The following PFDN1 variants were observed in gnomAD, a reference collection of about 807,000 sequenced individuals.
PFDN1 encodes the protein prefoldin subunit 1.
A neutral mutation model predicts 17.3 loss-of-function variants in PFDN1; 6 were observed. The ratio of observed to expected loss-of-function variants is 0.35; its 90% CI spans 0.19 to 0.69. The LOEUF (loss-of-function observed/expected upper bound fraction) is 0.69. Among genes scored for constraint, PFDN1 ranks in the 30% least tolerant of loss-of-function variants. The pLI, the probability that PFDN1 is intolerant of heterozygous loss-of-function variation, is 0.65. For synonymous variants in PFDN1, 58 were observed against 50.1 expected (o/e 1.16, Z -0.67); for missense variants, 113 against 146.2 (o/e 0.77, Z 1.17).
At chr5:140,246,424 A>G (rs1442436022) in intron 3 of PFDN1, among the ~76,000 whole-genome samples, 5 of 152,256 alleles carry the variant, frequency 3.3e-5, no homozygotes, top group African/African-American at 1.2e-4. Context: ...GTAACAGACT[A>G]TCTCCTCTCA....
chr5:140,256,037 T>C (rs1288140879), intron 3 of PFDN1, among the ~76,000 whole-genome samples: 1 of 152,190 alleles, frequency 6.6e-6, no homozygotes, highest in East Asian at 1.9e-4. Context: ...ACACAGTTCT[T>C]GGAACACTTT....
At chr5:140,284,492 T>C (rs571824925) in intron 2 of PFDN1, among the ~76,000 whole-genome samples, 6 of 152,370 alleles carry the variant, frequency 3.9e-5, no homozygotes, top group African/African-American at 1.2e-4. Context: ...TAAAAGGGCA[T>C]TGGATTATCA....
intron 3 of PFDN1, among the ~76,000 whole-genome samples, chr5:140,279,502 G>GT (rs1479345193): frequency 1.3e-5 from 2 of 151,066 alleles, no homozygotes; most frequent in Non-Finnish European, 3.0e-5. Flanking sequence ...TGGGGTTTTT[G>GT]TGTTTTTTTT....
intron 3 of PFDN1, among the ~76,000 whole-genome samples, chr5:140,256,986 G>A (rs968837654): frequency 7.2e-5 from 11 of 152,008 alleles, no homozygotes; most frequent in African/African-American, 1.5e-4. Context: ...TCGGGAGGTT[G>A]AGGCAGGTGG....
chr5:140,298,059 T>A (rs1301201953), intron 2 of PFDN1, among the ~76,000 whole-genome samples: 1 of 152,174 alleles, frequency 6.6e-6, no homozygotes, highest in Non-Finnish European at 1.5e-5. Flanking sequence ...ATTCAAGGGT[T>A]CTACTTTGTT....
intron 1 of PFDN1, among the ~76,000 whole-genome samples, chr5:140,301,275 A>C (rs1409268315): frequency 6.6e-6 from 1 of 152,238 alleles, no homozygotes; most frequent in Non-Finnish European, 1.5e-5. Context: ...AAGACCAAGA[A>C]AGAGAGTGAG....
intron 3 of PFDN1, among the ~76,000 whole-genome samples, chr5:140,246,583 A>G (rs568281411): frequency 9.8e-5 from 15 of 152,292 alleles, no homozygotes; most frequent in African/African-American, 3.6e-4. Flanking sequence ...TCAGAAGGCA[A>G]TCTGCTTTTC....
intron 2 of PFDN1, among the ~76,000 whole-genome samples, chr5:140,298,758 CTTT>C (rs919204762): frequency 6.9e-6 from 1 of 145,292 alleles, no homozygotes. Context: ...GTATTTTTTA[CTTT>C]TTTTTTTTTT....
chr5:140,298,419 G>A (rs569564222), intron 2 of PFDN1, among the ~76,000 whole-genome samples: 1 of 151,172 alleles, frequency 6.6e-6, no homozygotes, highest in South Asian at 2.1e-4. Context: ...TACTTACTAA[G>A]TAATACTCAA....
chr5:140,273,789 C>G (rs1765248464), intron 3 of PFDN1: 1 of 366,064 alleles, frequency 2.7e-6, no homozygotes, highest in Non-Finnish European at 3.8e-6. Context: ...TCTGTTATTG[C>G]TGAGCTAACC....
chr5:140,301,531 G>A (rs1765746130), intron 1 of PFDN1, among the ~76,000 whole-genome samples: 1 of 152,078 alleles, frequency 6.6e-6, no homozygotes, highest in Non-Finnish European at 1.5e-5. Flanking sequence ...CTACTAGTAA[G>A]GTTTTGAAAG....
chr5:140,277,933 G>A (rs931676489), intron 3 of PFDN1, among the ~76,000 whole-genome samples: 3 of 152,194 alleles, frequency 2.0e-5, no homozygotes, highest in East Asian at 1.9e-4. Flanking sequence ...GACAGGTCAG[G>A]TGCTGTGGCT....
intron 3 of PFDN1, among the ~76,000 whole-genome samples, chr5:140,260,300 T>A (rs1765045376): frequency 6.6e-6 from 1 of 152,142 alleles, no homozygotes; most frequent in Non-Finnish European, 1.5e-5. Context: ...GGGCAGCTGC[T>A]ACAGAAAAGT....
chr5:140,267,835 G>C (rs112908636), intron 3 of PFDN1, among the ~76,000 whole-genome samples: 3 of 152,022 alleles, frequency 2.0e-5, no homozygotes, highest in African/African-American at 7.2e-5. Flanking sequence ...CAGAGTTTGA[G>C]CCTTTAGAGT....
At chr5:140,278,572 A>C (rs1435341538) in intron 3 of PFDN1, among the ~76,000 whole-genome samples, 21 of 150,342 alleles carry the variant, frequency 1.4e-4, no homozygotes, top group Middle Eastern at 3.4e-3. Context: ...AAAAAAAAAA[A>C]AAAAAAAAAA....
chr5:140,285,129 T>G (rs2126695231), intron 2 of PFDN1, among the ~76,000 whole-genome samples: 1 of 152,324 alleles, frequency 6.6e-6, no homozygotes, highest in South Asian at 2.1e-4. Flanking sequence ...AAAATGCTTA[T>G]GACGAGTTCA....
chr5:140,258,072 G>A (rs1253206170), intron 3 of PFDN1, among the ~76,000 whole-genome samples: 1 of 152,190 alleles, frequency 6.6e-6, no homozygotes, highest in Non-Finnish European at 1.5e-5. Context: ...TGAGAATACA[G>A]AGATGAGGCT....
chr5:140,263,573 C>T (rs1203013895), intron 3 of PFDN1, among the ~76,000 whole-genome samples: 1 of 151,950 alleles, frequency 6.6e-6, no homozygotes, highest in Non-Finnish European at 1.5e-5. Flanking sequence ...TTAAAAACAC[C>T]GTATCAGTCT....
Position 140,254,387 on chromosome 5 carries a change from A to T in PFDN1, c.286-8330T>A, listed in dbSNP as rs1203842406. On this transcript the variant is annotated intron_variant, in intron 3 of 3. Transcript: ENST00000261813. The surrounding 1 kb of genome is among the most constrained non-coding windows in gnomAD (Gnocchi z 4.4). Reference sequence around the variant, plus strand: ...CCATCCACTCATTCAGCTCACTGCCAAACCATTTCCCCTCCTTTATCCTTC... The same window carrying T: ...CCATCCACTCATTCAGCTCACTGCCTAACCATTTCCCCTCCTTTATCCTTC... Among the ~76,000 whole-genome samples, 1 of 152,158 alleles carries T rather than the reference A, an allele frequency of 6.6e-6. No homozygotes were observed. Among genetic ancestry groups the T allele is most frequent in the East Asian group, 1.9e-4 (1 of 5,194 alleles).
Sources: gnomAD v4.1 joint callset for allele counts (sites outside exome capture counted in the v4.1 genomes callset) on GRCh38, gnomAD v4.1.1 for gene constraint, Gnocchi (gnomAD v3.1) non-coding constraint, MANE v1.5 for transcripts, NCBI Gene and HGNC (gene_info 2026-07-23, HGNC 2026-07-21) for gene names.